FAM117B: variants seen among roughly 807,000 people sequenced by gnomAD.
The protein encoded by FAM117B is protein FAM117B.
A neutral mutation model predicts 52.8 loss-of-function variants in FAM117B; 22 were observed. That is an observed-to-expected ratio of 0.42 (90% CI 0.30 to 0.59). The LOEUF is 0.59. FAM117B is among the 20% of genes least tolerant of loss of function. FAM117B has a pLI of 0.22. For synonymous variants in FAM117B, 309 were observed against 324.1 expected (o/e 0.95, Z 0.50); for missense variants, 678 against 802.6 (o/e 0.84, Z 1.88).
At chr2:202,675,088 G>A (rs1483134367) in intron 1 of FAM117B, among the ~76,000 whole-genome samples, 1 of 151,660 alleles carries the variant, frequency 6.6e-6, no homozygotes, top group Non-Finnish European at 1.5e-5. Flanking sequence ...TTAAAAATTA[G>A]CCCAGGCATG....
rs77204489 is a variant in FAM117B at position 202,639,786 on chromosome 2, T to G, written c.601+3998T>G. On this transcript the variant is annotated intron_variant, in intron 1 of 7. Coordinates refer to ENST00000392238, the MANE Select transcript of FAM117B (RefSeq NM_173511.4). ...AGTACCTCAGTATAAAAGTTAGCTG[T>G]TGTGTATCATATTAGTTTTGCTTCT... Among the ~76,000 whole-genome samples, 773 of 152,272 alleles carry G rather than the reference T, an allele frequency of 5.1e-3. 3 individuals carry two copies. The highest frequency in any genetic ancestry group is 0.017 in the African/African-American group (721 of 41,542).
rs146439758 is a variant in FAM117B at position 202,765,745 on chromosome 2, T to C, written c.1751T>C (p.Ile584Thr). ...SASLLPPPEP[I>T]EEAEG The stretch of plus-strand genomic sequence containing the variant: ...TCTCTACTCCCACCACCAGAACCAA[T>C]TGAGGAAGCTGAAGGATAGGTCACA... Residue 584 changes from isoleucine (I) to threonine (T), a missense_variant, in exon 8 of 8, where the codon ATT becomes ACT. By Grantham distance (89) the Ile-to-Thr change is moderately conservative (BLOSUM62 -1). Coordinates refer to ENST00000392238, the MANE Select transcript of FAM117B (RefSeq NM_173511.4). 1.9e-6 allele frequency: 3 copies of C among 1,613,796 alleles called. No homozygotes were observed. Among genetic ancestry groups the C allele is most frequent in the African/African-American group, 2.7e-5 (2 of 74,844 alleles).
intron 2 of FAM117B, among the ~76,000 whole-genome samples, chr2:202,717,252 C>T (rs1354232656): frequency 1.3e-5 from 2 of 152,194 alleles, no homozygotes; most frequent in African/African-American, 2.4e-5. Flanking sequence ...GGGCAGATTG[C>T]TTCAGCTCAG....
At chr2:202,639,275 G>A (rs948332206) in intron 1 of FAM117B, among the ~76,000 whole-genome samples, 2 of 152,178 alleles carry the variant, frequency 1.3e-5, no homozygotes, top group Admixed American at 1.3e-4. Context: ...CTAAGTTGAA[G>A]GTATCAAGAT....
chr2:202,684,201 C>A (rs1690503790), intron 1 of FAM117B, among the ~76,000 whole-genome samples: 1 of 152,010 alleles, frequency 6.6e-6, no homozygotes, highest in African/African-American at 2.4e-5. Context: ...CAAGTTGAAT[C>A]CAGCAGTATA....
intron 4 of FAM117B, among the ~76,000 whole-genome samples, chr2:202,742,706 T>C (rs1472831664): frequency 2.0e-5 from 3 of 152,138 alleles, no homozygotes; most frequent in Non-Finnish European, 4.4e-5. Flanking sequence ...GAAAACATTA[T>C]AAACCAAGTA....
At chr2:202,722,431 T>C (rs546419024) in intron 2 of FAM117B, among the ~76,000 whole-genome samples, 1 of 152,274 alleles carries the variant, frequency 6.6e-6, no homozygotes, top group East Asian at 1.9e-4. Context: ...TAAATGCCCA[T>C]CAACAGTAGC....
intron 2 of FAM117B, among the ~76,000 whole-genome samples, chr2:202,698,305 T>C (rs575976785): frequency 6.6e-6 from 1 of 152,376 alleles, no homozygotes; most frequent in South Asian, 2.1e-4. Context: ...GGAATCCTAC[T>C]GTTAGGGCAG....
intron 4 of FAM117B, among the ~76,000 whole-genome samples, chr2:202,737,291 A>G (rs886409991): frequency 3.9e-5 from 6 of 152,046 alleles, no homozygotes; most frequent in Admixed American, 2.0e-4. Context: ...TTTTTCCTCT[A>G]TTTTTTTCAA....
At chr2:202,682,963 A>G (rs781033001) in intron 1 of FAM117B, among the ~76,000 whole-genome samples, 3 of 152,248 alleles carry the variant, frequency 2.0e-5, no homozygotes, top group Admixed American at 6.5e-5. Flanking sequence ...ACCTTAATCT[A>G]GAAAGAGAAC....
chr2:202,724,051 CTTTTTTTTTT>C (rs34063266), intron 2 of FAM117B, among the ~76,000 whole-genome samples: 11 of 89,796 alleles, frequency 1.2e-4, no homozygotes, highest in African/African-American at 5.1e-4. Flanking sequence ...TAAGGTTTAA[CTTTTTTTTTT>C]TTTTTTTTTT....
rs1204489812 is a variant in FAM117B, at chr2:202,635,148, A to C, written c.-40A>C. Reference sequence around the variant, plus strand: ...TCCCCCTGCAGCCCAACAACAACAAAACCCCCCGTCTCGCCCAGTCACCGG... The same window carrying C: ...TCCCCCTGCAGCCCAACAACAACAACACCCCCCGTCTCGCCCAGTCACCGG... On this transcript the variant is annotated 5_prime_UTR_variant, in exon 1 of 8. Transcript: ENST00000392238. The C allele has an allele frequency of 5.1e-5, 64 of 1,251,664 alleles. No homozygotes were observed. The highest frequency in any genetic ancestry group is 1.7e-4 in the Admixed American group (4 of 23,944). The allele number at this position is 1,251,664 out of a possible 1,614,324, so 77.5% of individuals were successfully genotyped here.
rs574991814 is a variant in FAM117B, at chr2:202,737,726, C to T, written c.960+11363C>T. ...AAGCGATTTTCCCGCCTCAGCCTCC[C>T]GAGTGGCTGGTACTACAGGCACACA... On this transcript the variant is annotated intron_variant, in intron 4 of 7. Transcript: ENST00000392238. Among the ~76,000 whole-genome samples, 91 of 152,134 alleles carry T rather than the reference C, an allele frequency of 6.0e-4. 1 individual carries two copies. Among genetic ancestry groups the T allele is most frequent in the African/African-American group, 2.0e-3 (84 of 41,486 alleles).
chr2:202,766,100 ACACACACC>A lies in FAM117B; in HGVS notation c.*338_*345del. Reference sequence around the variant, plus strand: ...CACACACACACACACACACACACACACACACACCCCTGATCCTTGCCAACATGATTCCT... The same window carrying A: ...CACACACACACACACACACACACACACCTGATCCTTGCCAACATGATTCCT... On this transcript the variant is annotated 3_prime_UTR_variant, in exon 8 of 8. Transcript: ENST00000392238. 4.7e-6 allele frequency: 1 copy of A among 212,608 alleles called. No individual in the cohort carries two copies. Among genetic ancestry groups the A allele is most frequent in the East Asian group, 1.1e-4 (1 of 9,258 alleles). 13.2% of individuals were successfully genotyped at this position (212,608 alleles called of 1,614,324 possible).
chr2:202,662,885 G>T (rs1246063205), intron 1 of FAM117B, among the ~76,000 whole-genome samples: 1 of 152,012 alleles, frequency 6.6e-6, no homozygotes, highest in Non-Finnish European at 1.5e-5. Context: ...TGTTTAAAAT[G>T]ATGGATATAA....
chr2:202,716,701 G>A (rs1026329273), intron 2 of FAM117B, among the ~76,000 whole-genome samples: 14 of 151,780 alleles, frequency 9.2e-5, no homozygotes, highest in Admixed American at 2.6e-4. Context: ...TATTGTTTTC[G>A]TTTTCTTTTT....
rs34556556 is a variant in FAM117B, at chr2:202,766,061, A to AACACACACACACACACACACACAC, written c.*320_*343dup. ...TTGTTTTCGAATTAGACTTCTTTAA[A>AACACACACACACACACACACACAC]ACACACACACACACACACACACACA... On this transcript the variant is annotated 3_prime_UTR_variant, in exon 8 of 8. Transcript: ENST00000392238. The AACACACACACACACACACACACAC allele has an allele frequency of 6.4e-5, 13 of 203,092 alleles. No homozygotes were observed. The East Asian group carries it at 8.6e-4, about 13-fold the overall frequency. 12.6% of individuals were successfully genotyped at this position (203,092 alleles called of 1,614,324 possible).
chr2:202,714,550 T>TA (rs1553521235), intron 2 of FAM117B, among the ~76,000 whole-genome samples: 9 of 147,338 alleles, frequency 6.1e-5, no homozygotes, highest in Non-Finnish European at 1.1e-4. Flanking sequence ...TTTTTTTTTT[T>TA]ATTGATCATT....
rs1394132284 is a variant in FAM117B, at chr2:202,759,446, C to T, written c.1451+93C>T. 2.0e-5 allele frequency: 29 copies of T among 1,457,488 alleles called. No individual in the cohort carries two copies. The Middle Eastern group carries it at 6.1e-4, about 31-fold the overall frequency. 90.3% of individuals were successfully genotyped at this position (1,457,488 alleles called of 1,614,324 possible). A position where few individuals can be genotyped will look rare whatever the true frequency, so the allele number is the denominator to read the frequency against. On this transcript the variant is annotated intron_variant, in intron 7 of 7. Transcript: ENST00000392238. ...ACTCTGTCATCTAGGCTGGACTGCA[C>T]TGATGCAGTCACAGGTCACACTGCA...
Sources: gnomAD v4.1 joint callset for allele counts (sites outside exome capture counted in the v4.1 genomes callset) on GRCh38, gnomAD v4.1.1 for gene constraint, MANE v1.5 for transcripts, NCBI Gene and HGNC (gene_info 2026-07-23, HGNC 2026-07-21) for gene names.